The following LONP2 variants were observed in gnomAD, a reference collection of about 807,000 sequenced individuals.
LONP2 encodes lon protease homolog 2, peroxisomal.
In LONP2, 60 loss-of-function variants were observed where a neutral mutation model predicts 85.6. The ratio of observed to expected loss-of-function variants is 0.70; its 90% CI spans 0.57 to 0.87. The LOEUF is 0.87. Ranked by LOEUF, LONP2 falls within the 40% of genes least tolerant of loss-of-function variation. The pLI is 0.00. For synonymous variants in LONP2, 395 were observed against 389.7 expected, an observed-to-expected ratio of 1.01 and a Z score of -0.16; for missense variants, 860 against 1,063.5, an observed-to-expected ratio of 0.81 and a Z score of 2.66.
At chr16:48,293,624 T>TA (rs111700457) in intron 8 of LONP2, among the ~76,000 whole-genome samples, 12 of 152,166 alleles carry the variant, frequency 7.9e-5, no homozygotes, top group African/African-American at 2.9e-4. Context: ...GAATTGGGGT[T>TA]ACGGGGGATT....
chr16:48,340,312 T>C (rs1044088595), intron 12 of LONP2, among the ~76,000 whole-genome samples: 3 of 152,204 alleles, frequency 2.0e-5, no homozygotes, highest in Admixed American at 1.3e-4. Flanking sequence ...GGTGAGTCAG[T>C]GTACCCACTG....
At position 48,347,616 on chromosome 16, in the gene LONP2, T is replaced by G; in HGVS notation, c.2048T>G (p.Leu683Ter). The stretch of plus-strand genomic sequence containing the variant: ...AGTCGAATGGATGGCGAGGGCCAGT[T>G]AACTCTGACCGGCCAGCTCGGGGAC... ...EASRMDGEGQLTLTGQLGDVM... is the reference protein window; with the variant it reads ...EASRMDGEGQ The change falls in exon 13 of 15, where the codon TTA becomes TGA. Residue 683 changes from leucine to a stop codon, truncating the protein, a stop_gained. Coordinates refer to ENST00000285737, the MANE Select transcript of LONP2 (RefSeq NM_031490.5). LOFTEE classifies it high-confidence loss of function. 1 of 1,614,236 alleles carries G rather than the reference T, an allele frequency of 6.2e-7. No individual in the cohort carries two copies. Among genetic ancestry groups the G allele is most frequent in the South Asian group, 1.1e-5 (1 of 91,086 alleles).
At chr16:48,246,054 A>AT (rs771273947) in intron 1 of LONP2, among the ~76,000 whole-genome samples, 25 of 152,176 alleles carry the variant, frequency 1.6e-4, no homozygotes, top group South Asian at 1.0e-3. Context: ...GACTATGTAC[A>AT]TTTTTTTAGG....
rs761144330 is a variant in LONP2 at position 48,355,290 on chromosome 16, A to G, written c.*3488A>G. On this transcript the variant is annotated 3_prime_UTR_variant, in exon 15 of 15. Coordinates refer to ENST00000285737, the MANE Select transcript of LONP2 (RefSeq NM_031490.5). ...ATTATGTCATGAGAGCTCCATCCTC[A>G]TTAATGGATTTAGTGCCTTTATAAA... The G allele has an allele frequency of 2.6e-5, 4 of 152,128 alleles. No individual in the cohort carries two copies. The highest frequency in any genetic ancestry group is 5.9e-5 in the Non-Finnish European group (4 of 68,018). The allele number at this position is 152,128 out of a possible 1,614,324, so 9.4% of individuals were successfully genotyped here. A position where few individuals can be genotyped will look rare whatever the true frequency, so the allele number is the denominator to read the frequency against.
In LONP2 at chr16:48,261,544, A is replaced by G. The variant is rs767856557; in HGVS notation, c.844A>G (p.Met282Val). Residue 282 changes from methionine to valine, a missense_variant, in exon 5 of 15, where the codon ATG becomes GTG. Met to Val is a conservative substitution (Grantham distance 21, BLOSUM62 1). Coordinates refer to ENST00000285737, the MANE Select transcript of LONP2 (RefSeq NM_031490.5). The part of the protein sequence containing the change: ...MLEKKIRTSS[M>V]PEQAHKVCVK... ...AGAGAAAAAAATACGAACATCTAGT[A>G]TGCCAGAGCAGGCCCATAAAGTCTG... The G allele has an allele frequency of 6.2e-6, 10 of 1,606,568 alleles. No individual in the cohort carries two copies. The highest frequency in any genetic ancestry group is 5.9e-6 in the Non-Finnish European group (7 of 1,176,902).
intron 7 of LONP2, among the ~76,000 whole-genome samples, chr16:48,270,625 T>TA (rs962854557): frequency 6.6e-6 from 1 of 152,072 alleles, no homozygotes; most frequent in African/African-American, 2.4e-5. Context: ...CTCTCAGAGT[T>TA]AAAAAAAGTA....
rs371785800 is a variant in LONP2 at position 48,270,227 on chromosome 16, G to T, written c.1194G>T (p.Arg398Ser). The change falls in exon 7 of 15, where the codon AGG (arginine) becomes AGT (serine). Residue 398 changes from arginine to serine, a missense_variant. Arg to Ser is a moderately radical substitution (Grantham distance 110). Transcript: ENST00000285737. ...AGACTCTAGGTCGAGAGTTCCACAG[G>T]ATTGCACTTGGAGGAGTATGTGATC... ...VAKTLGREFHRIALGGVCDQS... is the reference protein window; with the variant it reads ...VAKTLGREFHSIALGGVCDQS... The T allele has an allele frequency of 6.2e-7, 1 of 1,613,908 alleles. No homozygotes were observed. The highest frequency in any genetic ancestry group is 8.5e-7 in the Non-Finnish European group (1 of 1,179,942).
At chr16:48,319,634 A>G (rs1973220496) in intron 11 of LONP2, among the ~76,000 whole-genome samples, 1 of 152,104 alleles carries the variant, frequency 6.6e-6, no homozygotes, top group Non-Finnish European at 1.5e-5. Context: ...GTCTCTCCCT[A>G]GGGCAAGGCT....
chr16:48,295,384 G>C (rs1488711012), intron 8 of LONP2, among the ~76,000 whole-genome samples: 1 of 152,076 alleles, frequency 6.6e-6, no homozygotes, highest in Non-Finnish European at 1.5e-5. Context: ...GAAAAAAAGA[G>C]TTATTGATGT....
At position 48,348,231 on chromosome 16, in the gene LONP2, C is replaced by T. The variant is rs946659454; in HGVS notation, c.2278C>T (p.Leu760=). The change falls in exon 14 of 15, where the codon CTG becomes TTG. Residue 760 remains leucine (L), a synonymous_variant. Transcript: ENST00000285737. ...TCTCGCCTCACTTTTTAGTGGGCGG[C>T]TGGTACGTTCAGATGTAGCCATGAC... ...TCLASLFSGR[L]VRSDVAMTGE... The T allele has an allele frequency of 1.2e-6, 2 of 1,611,594 alleles. No homozygotes were observed. The highest frequency in any genetic ancestry group is 1.7e-6 in the Non-Finnish European group (2 of 1,179,492).
intron 1 of LONP2, among the ~76,000 whole-genome samples, chr16:48,251,439 C>T (rs900754700): frequency 6.6e-6 from 1 of 152,152 alleles, no homozygotes; most frequent in African/African-American, 2.4e-5. Flanking sequence ...GGAGCTGAGA[C>T]TTGAAGCCTT....
intron 8 of LONP2, among the ~76,000 whole-genome samples, chr16:48,283,142 A>T (rs545338423): frequency 7.7e-4 from 118 of 152,324 alleles, no homozygotes; most frequent in Non-Finnish European, 5.6e-4. Context: ...CAGAAGAAAA[A>T]TTTGAAGCTA....
At position 48,244,462 on chromosome 16, in the gene LONP2, C is replaced by T. The variant is rs764266328; in HGVS notation, c.74C>T (p.Pro25Leu). The change falls in exon 1 of 15, where the codon CCC (proline) becomes CTC (leucine). Residue 25 changes from proline (P) to leucine (L), a missense_variant. Around this residue, in one of 3 missense-constraint regions of LONP2, gnomAD observed 743 missense variants for 917.3 expected, o/e 0.81. Transcript: ENST00000285737. ...LLLTHEGVLL[P>L]GSTMRTSVDS... ...CTCACCCACGAGGGCGTCCTGCTGC[C>T]CGGCTCCACCATGCGCACCAGCGTG... is the stretch of plus-strand genomic sequence containing the variant. 24 of 1,596,920 alleles carry T rather than the reference C, an allele frequency of 1.5e-5. No homozygotes were observed. Among genetic ancestry groups the T allele is most frequent in the African/African-American group, 6.7e-5 (5 of 74,192 alleles).
At chr16:48,280,716 A>C (rs1296302066) in intron 8 of LONP2, among the ~76,000 whole-genome samples, 1 of 152,234 alleles carries the variant, frequency 6.6e-6, no homozygotes, top group African/African-American at 2.4e-5. Context: ...AGCAAGACAT[A>C]CATATGGAGG....
At chr16:48,278,448 T>G (rs1276777107) in intron 8 of LONP2, among the ~76,000 whole-genome samples, 4 of 152,222 alleles carry the variant, frequency 2.6e-5, no homozygotes, top group Non-Finnish European at 5.9e-5. Context: ...AACTCCCTGA[T>G]AGTTTCCTGA....
At chr16:48,316,061 G>A (rs530571833) in intron 11 of LONP2, among the ~76,000 whole-genome samples, 1 of 148,998 alleles carries the variant, frequency 6.7e-6, no homozygotes, top group East Asian at 2.0e-4. Flanking sequence ...AGGCTAAAGT[G>A]CAGTGGCACG....
intron 8 of LONP2, among the ~76,000 whole-genome samples, chr16:48,279,386 C>T (rs115536604): frequency 9.0e-4 from 137 of 152,212 alleles, no homozygotes; most frequent in African/African-American, 3.1e-3. Context: ...AGCTTTAAGT[C>T]TTCCTTCTTA....
downstream of LONP2, among the ~76,000 whole-genome samples, chr16:48,358,029 GT>G (rs1960440050): frequency 4.6e-5 from 7 of 152,298 alleles, no homozygotes; most frequent in Admixed American, 4.6e-4. Context: ...AATGGAGGAA[GT>G]CTTCGTTATA....
At chr16:48,270,945 T>C (rs77613158) in intron 7 of LONP2, among the ~76,000 whole-genome samples, 2,083 of 152,122 alleles carry the variant, frequency 0.014, 47 homozygotes, top group African/African-American at 0.047. Flanking sequence ...CGGGGCAACA[T>C]AGGGAAACAC....
Sources: gnomAD v4.1 joint callset for allele counts (sites outside exome capture counted in the v4.1 genomes callset) on GRCh38, gnomAD v4.1.1 for gene constraint, gnomAD v4.1.1 regional missense constraint, MANE v1.5 for transcripts, NCBI Gene and HGNC (gene_info 2026-07-23, HGNC 2026-07-21) for gene names.